The following TEX26 variants were observed in gnomAD, a reference collection of about 807,000 sequenced individuals.
The protein encoded by TEX26 is testis expressed 26.
A neutral mutation model predicts 35.3 loss-of-function variants in TEX26; 34 were observed. That is an observed-to-expected ratio of 0.96 (90% CI 0.73 to 1.28). The LOEUF (loss-of-function observed/expected upper bound fraction) is 1.28. Among genes scored for constraint, TEX26 ranks in the 50% most tolerant of loss-of-function variants. TEX26 has a pLI of 0.00. For synonymous variants in TEX26, 136 were observed against 111.8 expected (o/e 1.22, Z -1.36); for missense variants, 371 against 330.1 (o/e 1.12, Z -0.96).
In TEX26 at chr13:30,953,732, GGTGGAAATAGCTGATTCTCC is replaced by G. The variant is rs1954016921; in HGVS notation, c.312+911_312+930del. Among the ~76,000 whole-genome samples, 4 of 152,102 alleles carry G rather than the reference GGTGGAAATAGCTGATTCTCC, an allele frequency of 2.6e-5. No individual in the cohort carries two copies. In the South Asian group the frequency reaches 8.3e-4, roughly 31 times the overall value. Reference sequence around the variant, plus strand: ...CCATCTCTAAGTTCCTTCTCCCCTGGGTGGAAATAGCTGATTCTCCGTGTGTGTTTTCTTGTCTTTCTATT... The same window carrying G: ...CCATCTCTAAGTTCCTTCTCCCCTGGGTGTGTGTTTTCTTGTCTTTCTATT... On this transcript the variant is annotated intron_variant, in intron 3 of 6. Coordinates refer to ENST00000380473, the MANE Select transcript of TEX26 (RefSeq NM_152325.3).
intron 5 of TEX26, among the ~76,000 whole-genome samples, chr13:30,968,324 T>C (rs1373682857): frequency 1.3e-5 from 2 of 152,066 alleles, no homozygotes; most frequent in African/African-American, 2.4e-5. Flanking sequence ...GAGAGAATGA[T>C]GGTAAAGGTT....
chr13:30,944,866 T>C (rs967182612), intron 2 of TEX26, among the ~76,000 whole-genome samples: 1 of 152,080 alleles, frequency 6.6e-6, no homozygotes, highest in African/African-American at 2.4e-5. Flanking sequence ...GCCTATTGTA[T>C]GGTCTATATT....
At chr13:30,936,028 C>T (rs1426301218) in intron 1 of TEX26, among the ~76,000 whole-genome samples, 1 of 152,162 alleles carries the variant, frequency 6.6e-6, no homozygotes, top group Non-Finnish European at 1.5e-5. Flanking sequence ...TCTTTAATTG[C>T]GTGTGCAAAG....
intron 2 of TEX26, among the ~76,000 whole-genome samples, chr13:30,943,597 G>T (rs945925411): frequency 6.6e-6 from 1 of 151,974 alleles, no homozygotes; most frequent in Non-Finnish European, 1.5e-5. Flanking sequence ...GAAAACTGTG[G>T]TTTTGTCATA....
intron 3 of TEX26, 77 bp downstream of exon 3, chr13:30,952,902 T>C (rs1159837315): frequency 1.9e-5 from 24 of 1,282,092 alleles, no homozygotes; most frequent in African/African-American, 6.1e-5. Flanking sequence ...AGTTTAAATA[T>C]GTCACAAAGA....
intron 3 of TEX26, among the ~76,000 whole-genome samples, chr13:30,954,853 C>T (rs577026495): frequency 1.3e-5 from 2 of 152,290 alleles, no homozygotes; most frequent in South Asian, 2.1e-4. Context: ...CACAAACACA[C>T]GACCATATAA....
At chr13:30,951,945 C>T (rs1209418169) in intron 2 of TEX26, among the ~76,000 whole-genome samples, 2 of 122,974 alleles carry the variant, frequency 1.6e-5, no homozygotes, top group Non-Finnish European at 3.2e-5. Flanking sequence ...AGAAAGAGAA[C>T]TTTTTTTTTT....
chr13:30,939,003 A>T (rs910191764), intron 1 of TEX26, among the ~76,000 whole-genome samples: 3 of 152,332 alleles, frequency 2.0e-5, no homozygotes, highest in Admixed American at 6.5e-5. Context: ...ATGAATTAGA[A>T]CTACGCCAGA....
chr13:30,974,131 A>AAAAAAAAAAT, intron 6 of TEX26, among the ~76,000 whole-genome samples: 12 of 84,418 alleles, frequency 1.4e-4, no homozygotes, highest in African/African-American at 4.7e-4. Context: ...AAAAAAAAAA[A>AAAAAAAAAAT]ATATATATAT....
At chr13:30,959,320 T>G (rs1954252462) in intron 4 of TEX26, among the ~76,000 whole-genome samples, 2 of 152,198 alleles carry the variant, frequency 1.3e-5, no homozygotes, top group African/African-American at 4.8e-5. Context: ...GGTTAACTAT[T>G]TCTTCTTATG....
At chr13:30,933,045 G>C in intron 1 of TEX26, 1 of 375,542 alleles carries the variant, frequency 2.7e-6, no homozygotes, top group Non-Finnish European at 4.8e-6. Flanking sequence ...TGGCTAAGAG[G>C]GGACAGGAAA....
intron 2 of TEX26, among the ~76,000 whole-genome samples, chr13:30,947,053 C>T (rs1254603248): frequency 6.6e-6 from 1 of 152,020 alleles, no homozygotes; most frequent in African/African-American, 2.4e-5. Context: ...TACTTCTTTG[C>T]AACTATTTTA....
At chr13:30,961,721 G>T (rs1462439852) in intron 4 of TEX26, among the ~76,000 whole-genome samples, 2 of 152,110 alleles carry the variant, frequency 1.3e-5, no homozygotes, top group Non-Finnish European at 2.9e-5. Flanking sequence ...TTCAAGGTCT[G>T]CAATGACCTT....
intron 1 of TEX26, chr13:30,936,642 C>T (rs1953282724): frequency 1.0e-6 from 1 of 975,046 alleles, no homozygotes; most frequent in Non-Finnish European, 1.2e-6. Context: ...CATAGCTCAT[C>T]TCTTGGCCTG....
At chr13:30,941,818 C>T (rs538493918) in intron 2 of TEX26, among the ~76,000 whole-genome samples, 3 of 152,128 alleles carry the variant, frequency 2.0e-5, no homozygotes, top group Non-Finnish European at 4.4e-5. Context: ...ATCCAAGTTG[C>T]TGCGAAAGAC....
chr13:30,952,929 G>A, intron 3 of TEX26, 104 bp downstream of exon 3: 1 of 987,854 alleles, frequency 1.0e-6, no homozygotes, highest in Non-Finnish European at 1.5e-6. Flanking sequence ...AGCTTCTACA[G>A]TCACAGGATA....
At position 30,968,984 on chromosome 13, in the gene TEX26, T is replaced by C. The variant is rs1243766518; in HGVS notation, c.746T>C (p.Met249Thr). ...DYDKTYPDFLMLLNSFTSSQV... is the reference protein window; with the variant it reads ...DYDKTYPDFLTLLNSFTSSQV... ...GACAAAACCTACCCAGATTTCTTAA[T>C]GCTTTTAAACTCATTTACTTCCTCT... The change falls in exon 6 of 7, where the codon ATG becomes ACG. Residue 249 changes from methionine (M) to threonine (T), a missense_variant. Physicochemically the swap from Met to Thr is moderately conservative, Grantham distance 81 (BLOSUM62 -1). Coordinates refer to ENST00000380473, the MANE Select transcript of TEX26 (RefSeq NM_152325.3). 2 of 1,614,160 alleles carry C rather than the reference T, an allele frequency of 1.2e-6. No homozygotes were observed. Among genetic ancestry groups the C allele is most frequent in the Non-Finnish European group, 1.7e-6 (2 of 1,180,010 alleles).
chr13:30,935,360 G>A (rs1953234144), intron 1 of TEX26, among the ~76,000 whole-genome samples: 1 of 152,226 alleles, frequency 6.6e-6, no homozygotes, highest in Non-Finnish European at 1.5e-5. Context: ...ATCTGAGTGG[G>A]GACTCATGCT....
At chr13:30,963,018 C>T (rs912956625) in intron 4 of TEX26, among the ~76,000 whole-genome samples, 7 of 150,960 alleles carry the variant, frequency 4.6e-5, no homozygotes, top group South Asian at 2.1e-4. Flanking sequence ...TTAGTAGGGA[C>T]GGGGTTTCTC....
Sources: allele counts gnomAD v4.1 joint callset (sites outside exome capture counted in the v4.1 genomes callset), GRCh38; gene constraint gnomAD v4.1.1; transcripts MANE v1.5; gene names NCBI Gene and HGNC (gene_info 2026-07-23, HGNC 2026-07-21).